The following CLDN10 variants were observed in gnomAD, a reference collection of about 807,000 sequenced individuals.
CLDN10 encodes claudin-10.
Under a neutral mutation model 22.9 loss-of-function variants are expected in CLDN10, and 15 were observed. That is an observed-to-expected ratio of 0.65 (90% CI 0.44 to 1.01). CLDN10 has a LOEUF of 1.01. Among genes scored for constraint, CLDN10 ranks in the 50% least tolerant of loss-of-function variants. The pLI is 0.00. For synonymous variants in CLDN10, 114 were observed against 111.4 expected (o/e 1.02, Z -0.15); for missense variants, 247 against 287.8 (o/e 0.86, Z 1.03).
chr13:95,515,290 C>T (rs984528364), intron 1 of CLDN10, among the ~76,000 whole-genome samples: 2 of 152,166 alleles, frequency 1.3e-5, no homozygotes, highest in African/African-American at 4.8e-5. Context: ...CCTCCACTTC[C>T]TGGGTTCAAG....
Position 95,560,309 on chromosome 13 carries a change from C to T in CLDN10, c.382+16C>T. 1 of 1,613,832 alleles carries T rather than the reference C, an allele frequency of 6.2e-7. No individual in the cohort carries two copies. On this transcript the variant is annotated intron_variant, in intron 2 of 4. Coordinates refer to ENST00000299339, the MANE Select transcript of CLDN10 (RefSeq NM_006984.5). Reference sequence around the variant, plus strand: ...ATACTGTCAGGTAAATAGTAACTTTCTTCCAAACAAGGTACTTGATGATGT... The same window carrying T: ...ATACTGTCAGGTAAATAGTAACTTTTTTCCAAACAAGGTACTTGATGATGT...
intron 1 of CLDN10, among the ~76,000 whole-genome samples, chr13:95,536,296 A>G (rs2043399398): frequency 6.6e-6 from 1 of 152,084 alleles, no homozygotes; most frequent in South Asian, 2.1e-4. Context: ...CTAAAAATAC[A>G]AAAATTAGCT....
intron 1 of CLDN10, among the ~76,000 whole-genome samples, chr13:95,531,182 T>C (rs1402333849): frequency 1.3e-5 from 2 of 152,228 alleles, no homozygotes; most frequent in East Asian, 3.8e-4. Context: ...CCTCCCATAG[T>C]GCTGGGATTA....
intron 1 of CLDN10, among the ~76,000 whole-genome samples, chr13:95,465,543 C>T (rs1435364245): frequency 1.3e-5 from 2 of 152,196 alleles, no homozygotes; most frequent in Non-Finnish European, 2.9e-5. Flanking sequence ...CCCTAAAACT[C>T]CAAGCCATTC....
intron 3 of CLDN10, 151 bp downstream of exon 3, chr13:95,560,614 C>T: frequency 7.9e-6 from 5 of 634,088 alleles, no homozygotes; most frequent in Admixed American, 5.8e-5. Context: ...TTAAATGTGT[C>T]ATATGCCACA....
chr13:95,507,852 A>G (rs942922873), intron 1 of CLDN10, among the ~76,000 whole-genome samples: 3 of 152,004 alleles, frequency 2.0e-5, no homozygotes, highest in East Asian at 1.9e-4. Context: ...TGAACTCCCA[A>G]CCTCAAGTGA....
chr13:95,565,953 A>G (rs2043781433), intron 3 of CLDN10, among the ~76,000 whole-genome samples: 1 of 151,536 alleles, frequency 6.6e-6, no homozygotes, highest in Non-Finnish European at 1.5e-5. Flanking sequence ...AAGGACATGA[A>G]CTCATCCTTT....
intron 1 of CLDN10, among the ~76,000 whole-genome samples, chr13:95,435,393 T>C (rs1406584903): frequency 6.6e-6 from 1 of 152,222 alleles, no homozygotes. Flanking sequence ...GGAGATTTTG[T>C]GTCAAGTATG....
rs147996247 is a variant in CLDN10 at position 95,578,935 on chromosome 13, C to G, written c.*921C>G. The G allele has an allele frequency of 6.6e-6, 1 of 152,280 alleles. No homozygotes were observed. Among genetic ancestry groups the G allele is most frequent in the African/African-American group, 2.4e-5 (1 of 41,544 alleles). The allele number at this position is 152,280 out of a possible 1,614,324, so 9.4% of individuals were successfully genotyped here. ...TGTTAAGGGGCTGAGGCGTCCCTGG[C>G]ACGGAATGCAGAGCCCTGAGCTAGG... On this transcript the variant is annotated 3_prime_UTR_variant, in exon 5 of 5. Transcript: ENST00000299339.
intron 1 of CLDN10, among the ~76,000 whole-genome samples, chr13:95,440,047 G>A (rs2042310250): frequency 6.6e-6 from 1 of 151,964 alleles, no homozygotes; most frequent in Non-Finnish European, 1.5e-5. Context: ...CCAAGTAGCT[G>A]AGACTACAGG....
At chr13:95,477,748 A>G in intron 1 of CLDN10, among the ~76,000 whole-genome samples, 1 of 152,028 alleles carries the variant, frequency 6.6e-6, no homozygotes, top group East Asian at 1.9e-4. Flanking sequence ...TCAACCCCTC[A>G]CCCCAGACTG....
upstream of CLDN10, among the ~76,000 whole-genome samples, chr13:95,549,378 G>A (rs770280128): frequency 5.7e-4 from 86 of 152,196 alleles, no homozygotes; most frequent in Non-Finnish European, 1.6e-4. Context: ...CAGATTAACT[G>A]CAAAGGTTAT....
At chr13:95,458,269 C>T (rs535453571) in intron 1 of CLDN10, among the ~76,000 whole-genome samples, 41 of 152,206 alleles carry the variant, frequency 2.7e-4, no homozygotes, top group African/African-American at 9.6e-4. Flanking sequence ...GAAATAGCCT[C>T]CGTGTTTTTG....
chr13:95,553,857 A>C (rs1420051625), intron 1 of CLDN10, among the ~76,000 whole-genome samples: 4 of 152,250 alleles, frequency 2.6e-5, no homozygotes, highest in African/African-American at 9.6e-5. Flanking sequence ...AGCCGATGTC[A>C]GCCCGGTCCC....
At chr13:95,519,900 C>T (rs981677813) in intron 1 of CLDN10, among the ~76,000 whole-genome samples, 1 of 152,160 alleles carries the variant, frequency 6.6e-6, no homozygotes, top group African/African-American at 2.4e-5. Flanking sequence ...GAAAATCATC[C>T]ATGGAAATCA....
At chr13:95,490,379 C>T (rs1241976425) in intron 1 of CLDN10, among the ~76,000 whole-genome samples, 1 of 152,158 alleles carries the variant, frequency 6.6e-6, no homozygotes, top group African/African-American at 2.4e-5. Flanking sequence ...TTGTTTGTGT[C>T]ATCTATGACT....
chr13:95,525,109 C>A (rs1308370758), intron 1 of CLDN10, among the ~76,000 whole-genome samples: 1 of 152,116 alleles, frequency 6.6e-6, no homozygotes, highest in Non-Finnish European at 1.5e-5. Context: ...TTGCCCGCCT[C>A]GGCCTCCCAA....
intron 1 of CLDN10, among the ~76,000 whole-genome samples, chr13:95,501,807 G>T (rs962532448): frequency 2.6e-5 from 4 of 152,180 alleles, no homozygotes; most frequent in Non-Finnish European, 4.4e-5. Flanking sequence ...GATATAGTTG[G>T]GTTCAAGTCT....
chr13:95,454,772 C>T (rs957526788), intron 1 of CLDN10, among the ~76,000 whole-genome samples: 1 of 152,166 alleles, frequency 6.6e-6, no homozygotes, highest in Non-Finnish European at 1.5e-5. Flanking sequence ...GGCAAAGATG[C>T]TGTCCCACTT....
Sources: allele counts gnomAD v4.1 joint callset (sites outside exome capture counted in the v4.1 genomes callset), GRCh38; gene constraint gnomAD v4.1.1; transcripts MANE v1.5; gene names NCBI Gene and HGNC (gene_info 2026-07-23, HGNC 2026-07-21).